MINK1: variants seen among roughly 807,000 people sequenced by gnomAD.
MINK1 encodes the protein misshapen like kinase 1, also known as misshapen-like kinase 1.
Under a neutral mutation model 178.4 loss-of-function variants are expected in MINK1, and 46 were observed. The observed-to-expected ratio is 0.26, with a 90% CI of 0.20 to 0.33. The LOEUF is 0.33. Ranked by LOEUF, MINK1 falls within the 10% of genes least tolerant of loss-of-function variation. The pLI is 1.00. For missense variants in MINK1, 1,366 were observed against 1,814.9 expected (o/e 0.75, Z 4.49); for synonymous variants, 797 against 709.7 (o/e 1.12, Z -1.96).
At position 4,893,547 on chromosome 17, in the gene MINK1, G is replaced by GGAAGGC. The variant is rs2151061735; in HGVS notation, c.2522_2527dup (p.Glu841_Gly842dup). 1.9e-6 allele frequency: 3 copies of GGAAGGC among 1,591,454 alleles called. No individual in the cohort carries two copies. Among genetic ancestry groups the GGAAGGC allele is most frequent in the African/African-American group, 2.7e-5 (2 of 74,536 alleles). On this transcript the variant is annotated inframe_insertion, in exon 21 of 32. Transcript: ENST00000355280. ...TGGAAAGCAGTGAGGACGACGAGGA[G>GGAAGGC]GAAGGCGAAGGCGGGCCAGCAGAGG...
At chr17:4,855,067 G>T (rs1912803566) in intron 1 of MINK1, among the ~76,000 whole-genome samples, 2 of 152,024 alleles carry the variant, frequency 1.3e-5, no homozygotes, top group South Asian at 4.2e-4. Flanking sequence ...GATTAGCCGG[G>T]CGTGGTGGTG....
In MINK1 at chr17:4,895,796, G is replaced by A; in HGVS notation, c.3328G>A (p.Val1110Met). The A allele has an allele frequency of 2.5e-6, 4 of 1,613,780 alleles. No homozygotes were observed. The highest frequency in any genetic ancestry group is 1.1e-5 in the South Asian group (1 of 91,076). ...GGAGAAGAAGCAGGGCTGGACCACC[G>A]TGGGGGACATGGAGGGCTGCGGGCA... The part of the protein sequence containing the change: ...EVEKKQGWTT[V>M]GDMEGCGHYR... Residue 1110 changes from valine (V) to methionine (M), a missense_variant, in exon 27 of 32, where the codon GTG becomes ATG. By Grantham distance (21) the Val-to-Met change is conservative. Transcript: ENST00000355280. The surrounding 1 kb of genome is among the most constrained non-coding windows in gnomAD (Gnocchi z 4.3).
At chr17:4,888,594 C>T (rs1597546171) in intron 12 of MINK1, among the ~76,000 whole-genome samples, 2 of 150,768 alleles carry the variant, frequency 1.3e-5, no homozygotes, top group Admixed American at 6.6e-5. Context: ...GCTGAGATCA[C>T]GCCACTGGCC....
intron 1 of MINK1, among the ~76,000 whole-genome samples, chr17:4,854,018 C>T (rs556718621): frequency 1.3e-3 from 198 of 152,210 alleles, no homozygotes; most frequent in Non-Finnish European, 2.4e-3. Flanking sequence ...TGGAGGCAGA[C>T]GGAACCTCAG....
chr17:4,841,520 G>A (rs1334572271), intron 1 of MINK1, among the ~76,000 whole-genome samples: 3 of 146,816 alleles, frequency 2.0e-5, no homozygotes, highest in Admixed American at 6.8e-5. Flanking sequence ...TTCCCACAAA[G>A]CCCCCCCTCC....
At chr17:4,857,878 AC>A (rs1913459418) in intron 1 of MINK1, among the ~76,000 whole-genome samples, 1 of 151,934 alleles carries the variant, frequency 6.6e-6, no homozygotes, top group South Asian at 2.1e-4. Flanking sequence ...CTAAGACACC[AC>A]CCTTCTGTCA....
At position 4,897,414 on chromosome 17, in the gene MINK1, C is replaced by CTGGGAACG; in HGVS notation, c.*130_*137dup. The CTGGGAACG allele has an allele frequency of 1.2e-6, 1 of 807,482 alleles. No homozygotes were observed. Among genetic ancestry groups the CTGGGAACG allele is most frequent in the South Asian group, 1.7e-5 (1 of 58,844 alleles). 50.0% of individuals were successfully genotyped at this position (807,482 alleles called of 1,614,324 possible). ...ACTGGTTTGATTTCACTGGAGCCTGCTGGGAACGTGACCTCTGACCCCTGA... is the reference window on the plus strand; with the variant it reads ...ACTGGTTTGATTTCACTGGAGCCTGCTGGGAACGTGGGAACGTGACCTCTGACCCCTGA... On this transcript the variant is annotated 3_prime_UTR_variant, in exon 32 of 32. Coordinates refer to ENST00000355280, the MANE Select transcript of MINK1 (RefSeq NM_153827.5).
rs149290747 is a variant in MINK1, at chr17:4,847,320, C to T, written c.57+13680C>T. The T allele has an allele frequency of 6.9e-5, 30 of 437,018 alleles. No homozygotes were observed. The Admixed American group carries it at 7.3e-4, about 11-fold the overall frequency. The allele number at this position is 437,018 out of a possible 1,614,324, so 27.1% of individuals were successfully genotyped here. ...GTGGCGCAGTCTCAGCTCACTGCAT[C>T]CTCTGCCTCCTCGGTTCAATCAATT... On this transcript the variant is annotated intron_variant, in intron 1 of 31. Transcript: ENST00000355280.
At chr17:4,874,828 A>C (rs1967033102) in intron 1 of MINK1, among the ~76,000 whole-genome samples, 1 of 152,108 alleles carries the variant, frequency 6.6e-6, no homozygotes, top group African/African-American at 2.4e-5. Context: ...CGATATCTGA[A>C]CCCAGGGTGT....
Position 4,896,974 on chromosome 17 carries a change from C to G in MINK1, c.3915+161C>G, listed in dbSNP as rs1008806100. The G allele has an allele frequency of 1.0e-5, 11 of 1,090,006 alleles. No individual in the cohort carries two copies. The African/African-American group carries it at 1.8e-4, about 17-fold the overall frequency. 67.5% of individuals were successfully genotyped at this position (1,090,006 alleles called of 1,614,324 possible). A position where few individuals can be genotyped will look rare whatever the true frequency, so the allele number is the denominator to read the frequency against. On this transcript the variant is annotated intron_variant, in intron 31 of 31. Coordinates refer to ENST00000355280, the MANE Select transcript of MINK1 (RefSeq NM_153827.5). The surrounding 1 kb of genome is among the most constrained non-coding windows in gnomAD (Gnocchi z 4.6). ...AGCCACTACCACTGCCCTGCGCTCC[C>G]TTCAGATTCCGAGGACTTCCCAGCT...
At chr17:4,842,882 G>A (rs1285763726) in intron 1 of MINK1, among the ~76,000 whole-genome samples, 1 of 152,216 alleles carries the variant, frequency 6.6e-6, no homozygotes, top group Non-Finnish European at 1.5e-5. Flanking sequence ...ATCTGGGGGA[G>A]TGACCAGAGA....
In MINK1 at chr17:4,897,234, A is replaced by G. The variant is rs1597604433; in HGVS notation, c.3946A>G (p.Ser1316Gly). ...TTTTGCCTCAGTCCGCTCTGGGGGC[A>G]GCAGCCAAGTTTACTTCATGACTCT... ...VFFASVRSGGSSQVYFMTLNR... is the reference protein window; with the variant it reads ...VFFASVRSGGGSQVYFMTLNR... The change falls in exon 32 of 32, where the codon AGC becomes GGC. Residue 1316 changes from serine to glycine, a missense_variant. This residue lies in a region of MINK1 where 201 missense variants were observed against 240.7 expected (regional missense o/e 0.84). Transcript: ENST00000355280. 6.2e-7 allele frequency: 1 copy of G among 1,613,734 alleles called. No homozygotes were observed. Among genetic ancestry groups the G allele is most frequent in the East Asian group, 2.2e-5 (1 of 44,872 alleles).
intron 1 of MINK1, among the ~76,000 whole-genome samples, chr17:4,872,345 A>G (rs992061622): frequency 6.6e-6 from 1 of 151,492 alleles, no homozygotes; most frequent in Admixed American, 6.6e-5. Flanking sequence ...AAAAAAAAAA[A>G]AGGATGGACA....
chr17:4,854,803 A>G (rs1011872077), intron 1 of MINK1: 17 of 485,464 alleles, frequency 3.5e-5, no homozygotes, highest in African/African-American at 3.3e-4. Context: ...GATTCAGAAT[A>G]AAAAGATCCG....
Position 4,875,155 on chromosome 17 carries a change from T to A in MINK1, c.58-3162T>A, listed in dbSNP as rs190385998. On this transcript the variant is annotated intron_variant, in intron 1 of 31. Transcript: ENST00000355280. Reference sequence around the variant, plus strand: ...TCTGTTGGGGAGCTCTGTAGGGAACTCTATGGTCTTTGAGCCTCTAATCTA... The same window carrying A: ...TCTGTTGGGGAGCTCTGTAGGGAACACTATGGTCTTTGAGCCTCTAATCTA... 1,491 of 520,066 alleles carry A rather than the reference T, an allele frequency of 2.9e-3. 7 individuals carry two copies. The highest frequency in any genetic ancestry group is 4.6e-3 in the Non-Finnish European group (1,183 of 259,864). The allele number at this position is 520,066 out of a possible 1,614,324, so 32.2% of individuals were successfully genotyped here.
At position 4,891,016 on chromosome 17, in the gene MINK1, C is replaced by G; in HGVS notation, c.1632C>G (p.Ser544Arg). The change falls in exon 15 of 32, where the codon AGC (serine) becomes AGG (arginine). Residue 544 changes from serine (S) to arginine (R), a missense_variant. Physicochemically the swap from Ser to Arg is moderately radical, Grantham distance 110. Coordinates refer to ENST00000355280, the MANE Select transcript of MINK1 (RefSeq NM_153827.5). ...NSPLAKSKPG[S>R]TGPEPPIPQA... ...CCTTGGCCAAGAGCAAGCCAGGCAG[C>G]ACGGGGCCTGAGCCCCCCATCCCCC... 1 of 1,559,608 alleles carries G rather than the reference C, an allele frequency of 6.4e-7. No homozygotes were observed. Among genetic ancestry groups the G allele is most frequent in the Non-Finnish European group, 8.7e-7 (1 of 1,151,852 alleles).
chr17:4,893,645 AGGGGAAGTGGCAGT>A (rs1231398443), intron 21 of MINK1, 48 bp downstream of exon 21: 1 of 1,496,434 alleles, frequency 6.7e-7, no homozygotes, highest in Admixed American at 2.4e-5. Flanking sequence ...ACAGGGAGGG[AGGGGAAGTGGCAGT>A]GGGGAAGAGG....
chr17:4,849,286 G>A (rs753109305), intron 1 of MINK1, among the ~76,000 whole-genome samples: 2 of 152,222 alleles, frequency 1.3e-5, no homozygotes, highest in Non-Finnish European at 2.9e-5. Context: ...GCTGTTTTCT[G>A]TAAAAGCTCT....
chr17:4,885,651 G>A lies in MINK1; in HGVS notation c.639+38G>A, dbSNP rs752997851. Reference sequence around the variant, plus strand: ...AAGTTGGGAGCATGGGGGCTGCCAAGGGCGGGAAGCAATATGGGGACCACG... The same window carrying A: ...AAGTTGGGAGCATGGGGGCTGCCAAAGGCGGGAAGCAATATGGGGACCACG... On this transcript the variant is annotated intron_variant, in intron 7 of 31. Transcript: ENST00000355280. This position sits in a 1 kb window ranked among gnomAD's most constrained non-coding sequence, Gnocchi z 5.0. 2 of 1,612,294 alleles carry A rather than the reference G, an allele frequency of 1.2e-6. No homozygotes were observed. The highest frequency in any genetic ancestry group is 2.7e-5 in the African/African-American group (2 of 74,896).
Sources: allele counts gnomAD v4.1 joint callset (sites outside exome capture counted in the v4.1 genomes callset), GRCh38; gene constraint gnomAD v4.1.1; regional missense constraint gnomAD v4.1.1; non-coding constraint Gnocchi (gnomAD v3.1); transcripts MANE v1.5; gene names NCBI Gene and HGNC (gene_info 2026-07-23, HGNC 2026-07-21).